Variants in MYO1D observed in about 807,000 individuals in gnomAD.
MYO1D encodes myosin ID, also known as unconventional myosin-Id.
Under a neutral mutation model 122.0 loss-of-function variants are expected in MYO1D, and 83 were observed. The observed-to-expected ratio is 0.68, with a 90% CI of 0.57 to 0.82. MYO1D has a LOEUF of 0.82. MYO1D is among the 40% of genes least tolerant of loss of function. MYO1D has a pLI of 0.00. For missense variants in MYO1D, 1,157 were observed against 1,269.5 expected (o/e 0.91, Z 1.35); for synonymous variants, 464 against 446.9 (o/e 1.04, Z -0.48).
At chr17:32,834,427 C>T (rs146256347) in intron 1 of MYO1D, among the ~76,000 whole-genome samples, 1 of 152,304 alleles carries the variant, frequency 6.6e-6, no homozygotes, top group African/African-American at 2.4e-5. Flanking sequence ...CACCTGGCCC[C>T]CAGTTCTCCA....
rs776245633 is a variant in MYO1D at position 32,603,521 on chromosome 17, CTT to C, written c.2864+1564_2864+1565del. On this transcript the variant is annotated intron_variant, in intron 21 of 21. Coordinates refer to ENST00000318217, the MANE Select transcript of MYO1D (RefSeq NM_015194.3). ...TTATGTCTTTTCCTTACATTCTAAA[CTT>C]TTTTTTTTTTTTTTTTTTTTGAGAC... Among the ~76,000 whole-genome samples the C allele has an allele frequency of 5.7e-3, 564 of 99,634 alleles. 1 individual carries two copies. Among genetic ancestry groups the C allele is most frequent in the Middle Eastern group, 0.014 (2 of 148 alleles). The allele number at this position is 99,634 out of a possible 152,430, so 65.4% of individuals were successfully genotyped here. A position where few individuals can be genotyped will look rare whatever the true frequency, so the allele number is the denominator to read the frequency against.
chr17:32,533,389 C>G (rs1196511779), intron 21 of MYO1D, among the ~76,000 whole-genome samples: 1 of 152,112 alleles, frequency 6.6e-6, no homozygotes, highest in African/African-American at 2.4e-5. Flanking sequence ...GATTTTACCT[C>G]CAAAACCTGT....
At chr17:32,847,931 C>G (rs1263658758) in intron 1 of MYO1D, among the ~76,000 whole-genome samples, 1 of 152,156 alleles carries the variant, frequency 6.6e-6, no homozygotes, top group African/African-American at 2.4e-5. Context: ...ATTGTTTATA[C>G]AAAAATTAAT....
Position 32,776,075 on chromosome 17 carries a change from T to C in MYO1D, c.399-46A>G, listed in dbSNP as rs749713410. The C allele has an allele frequency of 5.2e-6, 8 of 1,545,422 alleles. No homozygotes were observed. The South Asian group carries it at 6.1e-5, about 12-fold the overall frequency. On this transcript the variant is annotated intron_variant, in intron 3 of 21. Transcript: ENST00000318217. The stretch of plus-strand genomic sequence containing the variant: ...AGTCATTATAAAAACTTATAGAGAC[T>C]AGAATTTTTTAAAAACTGGATTTTG...
chr17:32,651,674 C>T (rs2088391613), intron 19 of MYO1D, among the ~76,000 whole-genome samples: 1 of 134,116 alleles, frequency 7.5e-6, no homozygotes, highest in Non-Finnish European at 1.6e-5. Context: ...CTTTTTCCCA[C>T]TTTTTTTTTT....
At chr17:32,541,637 A>T (rs1247677537) in intron 21 of MYO1D, among the ~76,000 whole-genome samples, 1 of 152,196 alleles carries the variant, frequency 6.6e-6, no homozygotes, top group African/African-American at 2.4e-5. Context: ...AGAATCAGAG[A>T]GTGGTCCAGT....
intron 1 of MYO1D, among the ~76,000 whole-genome samples, chr17:32,818,573 A>T (rs142180196): frequency 3.9e-5 from 6 of 152,350 alleles, no homozygotes; most frequent in African/African-American, 1.4e-4. Context: ...TGGGGGAAAT[A>T]AAGTGAAAGC....
intron 21 of MYO1D, chr17:32,499,362 G>A (rs1260722847): frequency 6.6e-6 from 1 of 152,126 alleles, no homozygotes; most frequent in Non-Finnish European, 1.5e-5. Flanking sequence ...GCGGCCGGGT[G>A]CAGTTGCTCA....
At chr17:32,820,259 C>T (rs2090648642) in intron 1 of MYO1D, among the ~76,000 whole-genome samples, 1 of 152,196 alleles carries the variant, frequency 6.6e-6, no homozygotes, top group Non-Finnish European at 1.5e-5. Flanking sequence ...AGCAATCCCA[C>T]TTCTGGGTAT....
chr17:32,845,547 A>G (rs1188258186), intron 1 of MYO1D, among the ~76,000 whole-genome samples: 2 of 151,376 alleles, frequency 1.3e-5, no homozygotes, highest in African/African-American at 4.9e-5. Flanking sequence ...ATTCCCCCTT[A>G]TAAGATAAAC....
At chr17:32,594,135 T>G (rs1322688142) in intron 21 of MYO1D, 1 of 155,034 alleles carries the variant, frequency 6.5e-6, no homozygotes, top group African/African-American at 2.4e-5. Context: ...AAGGTCATCA[T>G]GATAACAAAG....
intron 20 of MYO1D, among the ~76,000 whole-genome samples, chr17:32,609,660 T>A (rs912188635): frequency 2.0e-5 from 3 of 152,170 alleles, no homozygotes; most frequent in African/African-American, 7.2e-5. Flanking sequence ...GTATCATGTA[T>A]AAATGAACAT....
chr17:32,841,627 G>A (rs1024115729), intron 1 of MYO1D, among the ~76,000 whole-genome samples: 17 of 152,136 alleles, frequency 1.1e-4, no homozygotes, highest in African/African-American at 3.9e-4. Flanking sequence ...GGAAGCATCT[G>A]GGAGACAGGA....
Position 32,618,730 on chromosome 17 carries a change from G to A in MYO1D, c.2710-13489C>T, listed in dbSNP as rs75779052. Reference sequence around the variant, plus strand: ...GCTCACTGCAACCTCCGACTCCCGGGTTTCAGTGATTCTCCTGCCTCAGCC... The same window carrying A: ...GCTCACTGCAACCTCCGACTCCCGGATTTCAGTGATTCTCCTGCCTCAGCC... On this transcript the variant is annotated intron_variant, in intron 20 of 21. Transcript: ENST00000318217. Among the ~76,000 whole-genome samples, 183 of 151,936 alleles carry A rather than the reference G, an allele frequency of 1.2e-3. 3 individuals are homozygous for A. The East Asian group carries it at 0.035, about 29-fold the overall frequency.
intron 16 of MYO1D, among the ~76,000 whole-genome samples, chr17:32,698,439 T>G (rs978383919): frequency 6.7e-6 from 1 of 149,882 alleles, no homozygotes; most frequent in Admixed American, 6.7e-5. Flanking sequence ...GAAATAATTA[T>G]TTTGCTTTTA....
intron 1 of MYO1D, among the ~76,000 whole-genome samples, chr17:32,819,716 GAAT>G (rs1432293275): frequency 6.6e-6 from 1 of 152,074 alleles, no homozygotes; most frequent in Non-Finnish European, 1.5e-5. Flanking sequence ...ATTCCTACCA[GAAT>G]AATAATAATG....
At chr17:32,496,169 T>C (rs1909102218) in intron 21 of MYO1D, 2 of 152,274 alleles carry the variant, frequency 1.3e-5, no homozygotes, top group Admixed American at 6.5e-5. Flanking sequence ...GGCTCCGACG[T>C]GCGGTGGCTC....
chr17:32,534,975 G>A (rs1321651698), intron 21 of MYO1D, among the ~76,000 whole-genome samples: 1 of 152,016 alleles, frequency 6.6e-6, no homozygotes, highest in African/African-American at 2.4e-5. Flanking sequence ...ACACACAAAC[G>A]TTTTGTTCTT....
At chr17:32,731,107 C>T (rs1420576185) in intron 14 of MYO1D, among the ~76,000 whole-genome samples, 3 of 152,138 alleles carry the variant, frequency 2.0e-5, no homozygotes, top group South Asian at 4.1e-4. Flanking sequence ...CAGGGTTTCA[C>T]TGTGTTAGCC....
Sources: allele counts gnomAD v4.1 joint callset (sites outside exome capture counted in the v4.1 genomes callset), GRCh38; gene constraint gnomAD v4.1.1; transcripts MANE v1.5; gene names NCBI Gene and HGNC (gene_info 2026-07-23, HGNC 2026-07-21).